The following PRKAG2 variants were observed in gnomAD, a reference collection of about 807,000 sequenced individuals.
PRKAG2 encodes the protein protein kinase AMP-activated non-catalytic subunit gamma 2.
Under a neutral mutation model 69.6 loss-of-function variants are expected in PRKAG2, and 26 were observed. The observed-to-expected ratio is 0.37, with a 90% CI of 0.27 to 0.52. The LOEUF (loss-of-function observed/expected upper bound fraction) is 0.52, where lower values mean the gene tolerates loss of function less well. Ranked by LOEUF, PRKAG2 falls within the 20% of genes least tolerant of loss-of-function variation. The pLI is 0.90. For missense variants in PRKAG2, 557 were observed against 740.0 expected (o/e 0.75, Z 2.87); for synonymous variants, 293 against 285.0 (o/e 1.03, Z -0.28).
At chr7:151,851,715 AGAAGTG>A (rs1001431342) in intron 1 of PRKAG2, among the ~76,000 whole-genome samples, 1 of 152,194 alleles carries the variant, frequency 6.6e-6, no homozygotes, top group African/African-American at 2.4e-5. Context: ...CGAATGTCTT[AGAAGTG>A]GATGCTTCTG....
In PRKAG2 at chr7:151,752,922, C is replaced by T. The variant is rs556829628; in HGVS notation, c.466+28230G>A. ...GTAGAGAACTTTATGGTGGCAGACG[C>T]CCCCTTCACCAAGTGACCGGCGTCC... is the stretch of plus-strand genomic sequence containing the variant. On this transcript the variant is annotated intron_variant, in intron 3 of 15. Transcript: ENST00000287878. Among the ~76,000 whole-genome samples the T allele has an allele frequency of 3.2e-3, 485 of 152,364 alleles. 1 individual carries two copies. The highest frequency in any genetic ancestry group is 0.011 in the African/African-American group (451 of 41,586).
chr7:151,652,558 T>A (rs911079897), intron 4 of PRKAG2, among the ~76,000 whole-genome samples: 11 of 152,190 alleles, frequency 7.2e-5, no homozygotes, highest in Non-Finnish European at 7.3e-5. Flanking sequence ...CTCTGTATCA[T>A]CCCAGTTTTA....
At chr7:151,849,960 C>T (rs924248729) in intron 1 of PRKAG2, among the ~76,000 whole-genome samples, 7 of 152,156 alleles carry the variant, frequency 4.6e-5, no homozygotes, top group South Asian at 2.1e-4. Flanking sequence ...TGGGCGTGTT[C>T]CCACCTGGGG....
At chr7:151,717,241 C>A in intron 3 of PRKAG2, among the ~76,000 whole-genome samples, 1 of 146,440 alleles carries the variant, frequency 6.8e-6, no homozygotes, top group African/African-American at 2.6e-5. Flanking sequence ...ACCGAGACCC[C>A]ATGTCAAAAA....
At chr7:151,652,265 C>G (rs1828657382) in intron 4 of PRKAG2, among the ~76,000 whole-genome samples, 1 of 152,136 alleles carries the variant, frequency 6.6e-6, no homozygotes, top group Non-Finnish European at 1.5e-5. Flanking sequence ...TTCCAACCGC[C>G]TATCTGTCTG....
intron 3 of PRKAG2, among the ~76,000 whole-genome samples, chr7:151,741,789 T>C (rs376189188): frequency 6.6e-6 from 1 of 152,200 alleles, no homozygotes; most frequent in South Asian, 2.1e-4. Context: ...TGCTTGAGTT[T>C]AAATGGTCAT....
chr7:151,670,312 T>C (rs1170029903), intron 4 of PRKAG2, among the ~76,000 whole-genome samples: 6 of 152,200 alleles, frequency 3.9e-5, no homozygotes, highest in African/African-American at 1.4e-4. Flanking sequence ...CCCCTTCAAT[T>C]AATCAACCAC....
chr7:151,612,605 C>T (rs1819133000), intron 5 of PRKAG2, among the ~76,000 whole-genome samples: 1 of 152,236 alleles, frequency 6.6e-6, no homozygotes, highest in Non-Finnish European at 1.5e-5. Flanking sequence ...TTCTGCCCCC[C>T]ATCACTCCAA....
chr7:151,839,655 G>T (rs1277697154), intron 1 of PRKAG2, among the ~76,000 whole-genome samples: 1 of 152,228 alleles, frequency 6.6e-6, no homozygotes, highest in Non-Finnish European at 1.5e-5. Flanking sequence ...TCGGGCCTCG[G>T]TAACCACTAG....
chr7:151,752,847 C>T (rs551321955), intron 3 of PRKAG2, among the ~76,000 whole-genome samples: 31 of 152,322 alleles, frequency 2.0e-4, no homozygotes, highest in African/African-American at 7.0e-4. Flanking sequence ...AAAGTAGGTC[C>T]CCCTGAAGCC....
Position 151,781,286 on chromosome 7 carries a change from T to C in PRKAG2, c.332A>G (p.Gln111Arg). 6.2e-7 allele frequency: 1 copy of C among 1,614,006 alleles called. No homozygotes were observed. The highest frequency in any genetic ancestry group is 8.5e-7 in the Non-Finnish European group (1 of 1,180,008). ...SPKTVFPFSY[Q>R]ESPPRSPRRM... ...TCGAGGGGAGCGTGGCGGGGACTCC[T>C]GGTAGGAGAACGGGAACACGGTTTT... The change falls in exon 3 of 16, where the codon CAG becomes CGG. Residue 111 changes from glutamine (Q) to arginine (R), a missense_variant. Gln to Arg is a conservative substitution (Grantham distance 43, BLOSUM62 1). Coordinates refer to ENST00000287878, the MANE Select transcript of PRKAG2 (RefSeq NM_016203.4). This position sits in a 1 kb window ranked among gnomAD's most constrained non-coding sequence, Gnocchi z 6.1.
intron 1 of PRKAG2, among the ~76,000 whole-genome samples, chr7:151,830,702 C>A (rs10229998): frequency 7.7e-6 from 1 of 130,700 alleles, no homozygotes; most frequent in Non-Finnish European, 1.6e-5. Flanking sequence ...AGGCCTCCTG[C>A]GGGATGGTGG....
At chr7:151,707,403 G>A (rs528813842) in intron 3 of PRKAG2, among the ~76,000 whole-genome samples, 18 of 152,230 alleles carry the variant, frequency 1.2e-4, no homozygotes, top group African/African-American at 3.4e-4. Context: ...AACGGTGGTC[G>A]GAGAAGCTGC....
chr7:151,786,908 A>G (rs990444539), intron 1 of PRKAG2, among the ~76,000 whole-genome samples: 3 of 152,228 alleles, frequency 2.0e-5, no homozygotes, highest in Non-Finnish European at 2.9e-5. Flanking sequence ...AGCACGGAAC[A>G]TGGGTCCAGG....
At chr7:151,860,011 T>G (rs1192551929) in intron 1 of PRKAG2, among the ~76,000 whole-genome samples, 1 of 152,136 alleles carries the variant, frequency 6.6e-6, no homozygotes, top group African/African-American at 2.4e-5. Context: ...GGTGGGACTG[T>G]GGGCTGGGCT....
intron 9 of PRKAG2, 122 bp downstream of exon 9, chr7:151,572,542 G>T: frequency 1.3e-6 from 1 of 743,634 alleles, no homozygotes; most frequent in Non-Finnish European, 2.3e-6. Context: ...GAAATAAAGA[G>T]AATGTTTTAT....
intron 3 of PRKAG2, among the ~76,000 whole-genome samples, chr7:151,689,301 C>T (rs1459054936): frequency 6.6e-6 from 1 of 152,158 alleles, no homozygotes; most frequent in Non-Finnish European, 1.5e-5. Flanking sequence ...TGGAGGGCTC[C>T]CTCTGATCAT....
intron 3 of PRKAG2, among the ~76,000 whole-genome samples, chr7:151,685,740 A>G (rs1165565141): frequency 6.6e-6 from 1 of 150,520 alleles, no homozygotes; most frequent in Admixed American, 6.7e-5. Flanking sequence ...CTGGACTCCA[A>G]TCTGGGTGAC....
intron 1 of PRKAG2, among the ~76,000 whole-genome samples, chr7:151,856,735 G>A (rs1158263013): frequency 3.9e-5 from 6 of 152,146 alleles, no homozygotes; most frequent in South Asian, 2.1e-4. Flanking sequence ...ACACGGTCAC[G>A]GCGTCCCCAC....
Sources: allele counts gnomAD v4.1 joint callset (sites outside exome capture counted in the v4.1 genomes callset), GRCh38; gene constraint gnomAD v4.1.1; non-coding constraint Gnocchi (gnomAD v3.1); transcripts MANE v1.5; gene names NCBI Gene and HGNC (gene_info 2026-07-23, HGNC 2026-07-21).